The following CDH6 variants were observed in gnomAD, a reference collection of about 807,000 sequenced individuals.
CDH6 encodes the protein cadherin-6.
Under a neutral mutation model 78.0 loss-of-function variants are expected in CDH6, and 31 were observed. The ratio of observed to expected loss-of-function variants is 0.40; its 90% CI spans 0.30 to 0.54. The LOEUF (loss-of-function observed/expected upper bound fraction) is 0.54, where lower values mean the gene tolerates loss of function less well. Among genes scored for constraint, CDH6 ranks in the 20% least tolerant of loss-of-function variants. CDH6 has a pLI of 0.56. For synonymous variants in CDH6, 376 were observed against 368.8 expected, an observed-to-expected ratio of 1.02 and a Z score of -0.23; for missense variants, 724 against 975.9, an observed-to-expected ratio of 0.74 and a Z score of 3.44.
chr5:31,216,692 A>AT (rs1383346190), intron 1 of CDH6, among the ~76,000 whole-genome samples: 1 of 151,284 alleles, frequency 6.6e-6, no homozygotes, highest in Non-Finnish European at 1.5e-5. Context: ...CCAAAAAAAA[A>AT]AAAAAAATGC....
At chr5:31,228,380 C>T (rs1180496598) in intron 1 of CDH6, among the ~76,000 whole-genome samples, 1 of 152,176 alleles carries the variant, frequency 6.6e-6, no homozygotes, top group East Asian at 1.9e-4. Flanking sequence ...CTGCAGATCC[C>T]CAGTGCCAAG....
At chr5:31,255,294 A>T (rs1183493196) in intron 1 of CDH6, among the ~76,000 whole-genome samples, 4 of 152,238 alleles carry the variant, frequency 2.6e-5, no homozygotes, top group Middle Eastern at 3.2e-3. Context: ...GCCGTCGTTA[A>T]ATTAGAAATG....
intron 1 of CDH6, among the ~76,000 whole-genome samples, chr5:31,221,797 T>C (rs563437331): frequency 6.6e-6 from 1 of 152,316 alleles, no homozygotes; most frequent in East Asian, 1.9e-4. Flanking sequence ...TAGACAAGCT[T>C]GGGTTGTAGA....
intron 8 of CDH6, among the ~76,000 whole-genome samples, chr5:31,314,213 A>G (rs950855660): frequency 4.6e-5 from 7 of 151,894 alleles, no homozygotes; most frequent in Non-Finnish European, 5.9e-5. Flanking sequence ...GGTTTGTTAC[A>G]TATGTATACC....
At chr5:31,261,467 C>T (rs1742210697) in intron 1 of CDH6, among the ~76,000 whole-genome samples, 1 of 151,610 alleles carries the variant, frequency 6.6e-6, no homozygotes. Context: ...AAGTATAGAC[C>T]ACATTTACAG....
intron 2 of CDH6, among the ~76,000 whole-genome samples, chr5:31,290,851 T>A (rs151275192): frequency 2.0e-5 from 3 of 152,282 alleles, no homozygotes; most frequent in African/African-American, 4.8e-5. Flanking sequence ...AGAGAAGAGA[T>A]ACATTTTCCC....
intron 3 of CDH6, among the ~76,000 whole-genome samples, chr5:31,295,527 G>C (rs1737559753): frequency 6.6e-6 from 1 of 152,126 alleles, no homozygotes; most frequent in Non-Finnish European, 1.5e-5. Context: ...AACATGTCTT[G>C]AGAAAAATAA....
At chr5:31,300,810 G>T (rs1561064598) in intron 5 of CDH6, among the ~76,000 whole-genome samples, 1 of 152,168 alleles carries the variant, frequency 6.6e-6, no homozygotes, top group Non-Finnish European at 1.5e-5. Context: ...CCCTAAAAAT[G>T]GAAGTTGAAA....
chr5:31,224,458 G>A (rs554461540), intron 1 of CDH6, among the ~76,000 whole-genome samples: 1 of 152,130 alleles, frequency 6.6e-6, no homozygotes, highest in East Asian at 1.9e-4. Context: ...CTTAAACTTT[G>A]AGAGTTTAAG....
intron 1 of CDH6, among the ~76,000 whole-genome samples, chr5:31,242,702 G>GGT (rs1554005340): frequency 1.0e-4 from 7 of 69,800 alleles, no homozygotes; most frequent in South Asian, 8.2e-4. Context: ...GAATAAGAAT[G>GGT]GGGGGGGGCG....
At chr5:31,273,955 C>A (rs1287378273) in intron 2 of CDH6, among the ~76,000 whole-genome samples, 1 of 152,140 alleles carries the variant, frequency 6.6e-6, no homozygotes, top group Non-Finnish European at 1.5e-5. Context: ...CCTCTCTAAA[C>A]TTCCGTTCTG....
chr5:31,265,813 C>T (rs1742331276), intron 1 of CDH6, among the ~76,000 whole-genome samples: 1 of 111,740 alleles, frequency 8.9e-6, no homozygotes, highest in African/African-American at 3.5e-5. Flanking sequence ...CTCACTCTGT[C>T]GCCCAGGCTG....
At chr5:31,306,086 T>C (rs779506293) in intron 7 of CDH6, among the ~76,000 whole-genome samples, 2 of 152,196 alleles carry the variant, frequency 1.3e-5, no homozygotes, top group African/African-American at 4.8e-5. Context: ...AAGAGTGGCA[T>C]AGAAAAAGTA....
chr5:31,222,565 C>T (rs1262874234), intron 1 of CDH6, among the ~76,000 whole-genome samples: 6 of 152,014 alleles, frequency 3.9e-5, no homozygotes. Flanking sequence ...AGAATCATCT[C>T]CTGGGTGCCA....
chr5:31,254,531 T>G (rs1742000017), intron 1 of CDH6, among the ~76,000 whole-genome samples: 1 of 152,120 alleles, frequency 6.6e-6, no homozygotes, highest in South Asian at 2.1e-4. Context: ...ACATTGTGGG[T>G]GGAAGACATG....
intron 7 of CDH6, among the ~76,000 whole-genome samples, chr5:31,310,743 G>A (rs1738125628): frequency 6.6e-6 from 1 of 152,192 alleles, no homozygotes; most frequent in African/African-American, 2.4e-5. Flanking sequence ...CAAGCCTTGG[G>A]TCTTGCACCC....
intron 1 of CDH6, among the ~76,000 whole-genome samples, chr5:31,197,525 C>CA (rs1020612991): frequency 1.6e-4 from 24 of 152,000 alleles, no homozygotes; most frequent in African/African-American, 5.8e-4. Flanking sequence ...ATTTACTTCA[C>CA]AAAAAAAGTG....
At chr5:31,264,641 A>G (rs1311631893) in intron 1 of CDH6, among the ~76,000 whole-genome samples, 1 of 152,210 alleles carries the variant, frequency 6.6e-6, no homozygotes, top group Non-Finnish European at 1.5e-5. Context: ...AGAGAAATCT[A>G]TCCCTCTAAA....
chr5:31,202,659 A>G (rs907465378), intron 1 of CDH6, among the ~76,000 whole-genome samples: 7 of 121,460 alleles, frequency 5.8e-5, no homozygotes, highest in African/African-American at 1.9e-4. Context: ...ATATATACAC[A>G]CACATATATA....
Sources: gnomAD v4.1 joint callset for allele counts (sites outside exome capture counted in the v4.1 genomes callset) on GRCh38, gnomAD v4.1.1 for gene constraint, MANE v1.5 for transcripts, NCBI Gene and HGNC (gene_info 2026-07-23, HGNC 2026-07-21) for gene names.